DPP10: variants seen among roughly 807,000 people sequenced by gnomAD.
DPP10 encodes dipeptidyl peptidase like 10, also known as inactive dipeptidyl peptidase 10.
Under a neutral mutation model 120.9 loss-of-function variants are expected in DPP10, and 33 were observed. That is an observed-to-expected ratio of 0.27 (90% CI 0.21 to 0.37). The LOEUF (loss-of-function observed/expected upper bound fraction) is 0.37. DPP10 is among the 10% of genes least tolerant of loss of function. DPP10 has a pLI of 1.00. For missense variants in DPP10, 816 were observed against 942.8 expected (o/e 0.87, Z 1.76); for synonymous variants, 337 against 326.1 (o/e 1.03, Z -0.36).
chr2:114,765,046 C>A (rs146739868), intron 1 of DPP10, among the ~76,000 whole-genome samples: 166 of 152,142 alleles, frequency 1.1e-3, no homozygotes, highest in Non-Finnish European at 2.0e-3. Flanking sequence ...ATATTGGGGC[C>A]ATCATTTCAA....
At chr2:115,793,415 A>G (rs749057499) in intron 19 of DPP10, among the ~76,000 whole-genome samples, 42 of 152,258 alleles carry the variant, frequency 2.8e-4, no homozygotes, top group Middle Eastern at 6.8e-3. Flanking sequence ...GCAGAATTAT[A>G]ATTATTATTA....
chr2:115,822,791 A>T (rs1276343976), intron 21 of DPP10, among the ~76,000 whole-genome samples: 2 of 151,942 alleles, frequency 1.3e-5, no homozygotes, highest in African/African-American at 2.4e-5. Context: ...ATGTGTTAAA[A>T]TCTCACTTTA....
chr2:115,400,795 T>C (rs1333935566), intron 3 of DPP10, among the ~76,000 whole-genome samples: 1 of 152,234 alleles, frequency 6.6e-6, no homozygotes, highest in Non-Finnish European at 1.5e-5. Context: ...TGTGGCCTTC[T>C]TTCCAGGTCG....
chr2:115,795,693 A>C (rs1284330070), intron 19 of DPP10, among the ~76,000 whole-genome samples: 1 of 152,170 alleles, frequency 6.6e-6, no homozygotes, highest in Non-Finnish European at 1.5e-5. Flanking sequence ...GATCATTCAC[A>C]ATGAGGGAAT....
At chr2:115,548,328 A>C in intron 5 of DPP10, among the ~76,000 whole-genome samples, 1 of 152,144 alleles carries the variant, frequency 6.6e-6, no homozygotes, top group Admixed American at 6.6e-5. Context: ...CTGAAAGAAA[A>C]GTTTCTGATG....
chr2:115,589,446 A>G (rs2082489879), intron 5 of DPP10, among the ~76,000 whole-genome samples: 1 of 152,128 alleles, frequency 6.6e-6, no homozygotes, highest in African/African-American at 2.4e-5. Context: ...GAGGGAAAGA[A>G]CCTGAGATCA....
chr2:115,195,355 G>A (rs572933928), intron 1 of DPP10, among the ~76,000 whole-genome samples: 9 of 152,226 alleles, frequency 5.9e-5, no homozygotes, highest in East Asian at 1.9e-4. Flanking sequence ...CCGTAGAGAC[G>A]AATACATGAT....
At chr2:115,326,882 C>G (rs909580191) in intron 2 of DPP10, among the ~76,000 whole-genome samples, 1 of 152,022 alleles carries the variant, frequency 6.6e-6, no homozygotes, top group Non-Finnish European at 1.5e-5. Flanking sequence ...TAAGGTTAAT[C>G]TACTACTAAA....
chr2:115,778,729 C>T (rs1682412381), intron 15 of DPP10, among the ~76,000 whole-genome samples: 1 of 152,074 alleles, frequency 6.6e-6, no homozygotes, highest in Admixed American at 6.6e-5. Context: ...CCCCGACTTC[C>T]TCTGCATCAC....
At chr2:115,761,280 C>T (rs1314140228) in intron 11 of DPP10, among the ~76,000 whole-genome samples, 1 of 151,946 alleles carries the variant, frequency 6.6e-6, no homozygotes, top group Non-Finnish European at 1.5e-5. Flanking sequence ...AAAAATTAGC[C>T]TACATATATT....
chr2:115,164,392 G>T (rs984783998), intron 1 of DPP10, among the ~76,000 whole-genome samples: 7 of 151,536 alleles, frequency 4.6e-5, no homozygotes, highest in African/African-American at 1.7e-4. Context: ...TGCAATACTA[G>T]ATATAATATA....
intron 3 of DPP10, among the ~76,000 whole-genome samples, chr2:115,456,105 T>C (rs934070670): frequency 6.6e-6 from 1 of 151,548 alleles, no homozygotes; most frequent in Non-Finnish European, 1.5e-5. Flanking sequence ...TACAAAGAAC[T>C]TAAATTTACA....
intron 1 of DPP10, among the ~76,000 whole-genome samples, chr2:115,304,346 G>A (rs1471713264): frequency 1.3e-5 from 2 of 151,984 alleles, no homozygotes; most frequent in African/African-American, 2.4e-5. Context: ...GTGTGATTGG[G>A]TTAAGAATGA....
At chr2:115,413,812 G>A (rs1276409748) in intron 3 of DPP10, among the ~76,000 whole-genome samples, 3 of 152,156 alleles carry the variant, frequency 2.0e-5, no homozygotes, top group African/African-American at 7.2e-5. Flanking sequence ...TATGGATGGT[G>A]GAGAGTTTGA....
chr2:115,716,067 A>G (rs571930768), intron 7 of DPP10, among the ~76,000 whole-genome samples: 1 of 152,340 alleles, frequency 6.6e-6, no homozygotes, highest in African/African-American at 2.4e-5. Context: ...AATCTAAACC[A>G]TATACTTTGC....
chr2:115,007,187 C>T (rs1486220989), intron 1 of DPP10, among the ~76,000 whole-genome samples: 3 of 152,130 alleles, frequency 2.0e-5, no homozygotes, highest in Non-Finnish European at 4.4e-5. Flanking sequence ...AAAATACTGG[C>T]AAACCGAATC....
chr2:114,845,362 T>A (rs532450142), intron 1 of DPP10, among the ~76,000 whole-genome samples: 1 of 152,198 alleles, frequency 6.6e-6, no homozygotes, highest in African/African-American at 2.4e-5. Context: ...AACTCTTAAC[T>A]TTCTGCTTAG....
chr2:115,373,883 AG>A lies in DPP10; in HGVS notation c.271+29972del, dbSNP rs541505712. ...CAAGCATGTCTCACCATAGCCAAGC[AG>A]AAGAGAGAGAGAGAGAGAGAGTGAA... On this transcript the variant is annotated intron_variant, in intron 3 of 25. Coordinates refer to ENST00000410059, the MANE Select transcript of DPP10 (RefSeq NM_020868.6). Among the ~76,000 whole-genome samples, 32 of 72,092 alleles carry A rather than the reference AG, an allele frequency of 4.4e-4. No homozygotes were observed. The East Asian group carries it at 5.8e-3, about 13-fold the overall frequency. 47.3% of individuals were successfully genotyped at this position (72,092 alleles called of 152,430 possible).
intron 13 of DPP10, 88 bp from the exon 14 acceptor site, chr2:115,777,120 A>C (rs1172783700): frequency 3.6e-6 from 4 of 1,121,162 alleles, no homozygotes; most frequent in Non-Finnish European, 5.3e-6. Flanking sequence ...AGAGAATTCG[A>C]AGTGTCACAA....
Sources: allele counts gnomAD v4.1 joint callset (sites outside exome capture counted in the v4.1 genomes callset), GRCh38; gene constraint gnomAD v4.1.1; transcripts MANE v1.5; gene names NCBI Gene and HGNC (gene_info 2026-07-23, HGNC 2026-07-21).